Variants in FGFR3 observed in about 807,000 individuals in gnomAD.
FGFR3 encodes the protein fibroblast growth factor receptor 3, also known as FGFR-3.
Under a neutral mutation model 82.9 loss-of-function variants are expected in FGFR3, and 25 were observed. The ratio of observed to expected loss-of-function variants is 0.30; its 90% CI spans 0.22 to 0.42. The LOEUF is 0.42. FGFR3 is among the 10% of genes least tolerant of loss of function. The probability of loss-of-function intolerance (pLI) is 1.00; values close to 1 mark genes in which losing one functional copy is unlikely to be tolerated. For missense variants in FGFR3, 1,026 were observed against 1,161.0 expected (o/e 0.88, Z 1.69); for synonymous variants, 620 against 516.0 (o/e 1.20, Z -2.73).
Position 1,803,752 on chromosome 4 carries a change from T to C in FGFR3, c.991T>C (p.Phe331Leu), listed in dbSNP as rs1246952737. 2 of 1,613,948 alleles carry C rather than the reference T, an allele frequency of 1.2e-6. No homozygotes were observed. Among genetic ancestry groups the C allele is most frequent in the Non-Finnish European group, 1.7e-6 (2 of 1,180,032 alleles). The change falls in exon 8 of 18, where the codon TTT becomes CTT. Residue 331 changes from phenylalanine (F) to leucine (L), a missense_variant. Transcript: ENST00000440486. ...GGTTCTCTCCTTGCACAACGTCACC[T>C]TTGAGGACGCCGGGGAGTACACCTG... is the stretch of plus-strand genomic sequence containing the variant. ...LEVLSLHNVT[F>L]EDAGEYTCLA...
Position 1,805,455 on chromosome 4 carries a change from G to A in FGFR3, c.1513G>A (p.Val505Ile), listed in dbSNP as rs144546453. 8.6e-5 allele frequency: 139 copies of A among 1,612,000 alleles called. No homozygotes were observed. Among genetic ancestry groups the A allele is most frequent in the East Asian group, 3.8e-4 (17 of 44,866 alleles). Reference sequence around the variant, plus strand: ...GGACCGGGCCGCCAAGCCTGTCACCGTAGCCGTGAAGATGCTGAAAGGTGA... The same window carrying A: ...GGACCGGGCCGCCAAGCCTGTCACCATAGCCGTGAAGATGCTGAAAGGTGA... The part of the protein sequence containing the change: ...DKDRAAKPVT[V>I]AVKMLKDDAT... The change falls in exon 11 of 18, where the codon GTA becomes ATA. Residue 505 changes from valine to isoleucine, a missense_variant. Val to Ile is a conservative substitution (Grantham distance 29). Around this residue, in one of 9 missense-constraint regions of FGFR3, gnomAD observed 164 missense variants for 167.5 expected, o/e 0.98. Coordinates refer to ENST00000440486, the MANE Select transcript of FGFR3 (RefSeq NM_000142.5).
In FGFR3 at chr4:1,805,630, A is replaced by G. The variant is rs1721801068; in HGVS notation, c.1606A>G (p.Lys536Glu). 6.2e-7 allele frequency: 1 copy of G among 1,613,334 alleles called. No individual in the cohort carries two copies. Among genetic ancestry groups the G allele is most frequent in the Non-Finnish European group, 8.5e-7 (1 of 1,179,776 alleles). The change falls in exon 12 of 18, where the codon AAA (lysine) becomes GAA (glutamate). Residue 536 changes from lysine to glutamate, a missense_variant. This residue lies in a region of FGFR3 where 164 missense variants were observed against 167.5 expected (regional missense o/e 0.98). Transcript: ENST00000440486. Reference sequence around the variant, plus strand: ...GATGATGAAGATGATCGGGAAACACAAAAACATCATCAACCTGCTGGGCGC... The same window carrying G: ...GATGATGAAGATGATCGGGAAACACGAAAACATCATCAACCTGCTGGGCGC... ...MEMMKMIGKH[K>E]NIINLLGACT...
At position 1,805,551 on chromosome 4, in the gene FGFR3, G is replaced by A. The variant is rs111460786; in HGVS notation, c.1535-8G>A. 11 of 1,612,874 alleles carry A rather than the reference G, an allele frequency of 6.8e-6. No homozygotes were observed. The highest frequency in any genetic ancestry group is 1.7e-5 in the Admixed American group (1 of 60,004). ...CCGCCTGACACAGGCCCCCCGCTCCGTGCACAGACGATGCCACTGACAAGG... is the reference window on the plus strand; with the variant it reads ...CCGCCTGACACAGGCCCCCCGCTCCATGCACAGACGATGCCACTGACAAGG... On this transcript the variant is annotated splice_region_variant and splice_polypyrimidine_tract_variant and intron_variant, in intron 11 of 17. Transcript: ENST00000440486.
rs911357460 is a variant in FGFR3, at chr4:1,808,002, G to T, written c.*740G>T. ...GCAGGCATGGCCCTGGGCGGGGCGTGGGGGGGCGTGGAGGGAGGCCCCAGG... is the reference window on the plus strand; with the variant it reads ...GCAGGCATGGCCCTGGGCGGGGCGTTGGGGGGCGTGGAGGGAGGCCCCAGG... On this transcript the variant is annotated 3_prime_UTR_variant, in exon 18 of 18. Coordinates refer to ENST00000440486, the MANE Select transcript of FGFR3 (RefSeq NM_000142.5). 3.7e-5 allele frequency: 9 copies of T among 240,308 alleles called. No homozygotes were observed. The highest frequency in any genetic ancestry group is 5.3e-5 in the Admixed American group (1 of 18,948). 14.9% of individuals were successfully genotyped at this position (240,308 alleles called of 1,614,324 possible). A position where few individuals can be genotyped will look rare whatever the true frequency, so the allele number is the denominator to read the frequency against.
rs2108811242 is a variant in FGFR3, at chr4:1,806,546, C to G, written c.2031C>G (p.Val677=). ...FDRVYTHQSD[V]WSFGVLLWEI... Reference sequence around the variant, plus strand: ...AGCCTGACCTCACCTTCCCCTGCAGCTGGTCCTTTGGGGTCCTGCTCTGGG... The same window carrying G: ...AGCCTGACCTCACCTTCCCCTGCAGGTGGTCCTTTGGGGTCCTGCTCTGGG... The change falls in exon 16 of 18, where the codon GTC becomes GTG. Residue 677 remains valine, a splice_region_variant and synonymous_variant. Transcript: ENST00000440486. 1 of 1,613,072 alleles carries G rather than the reference C, an allele frequency of 6.2e-7. No homozygotes were observed. Among genetic ancestry groups the G allele is most frequent in the Non-Finnish European group, 8.5e-7 (1 of 1,179,970 alleles).
chr4:1,794,084 GC>G, intron 2 of FGFR3, 41 bp downstream of exon 2: 1 of 1,199,608 alleles, frequency 8.3e-7, no homozygotes, highest in Non-Finnish European at 1.1e-6. Flanking sequence ...GCCGGCCCGT[GC>G]GGGCAGAGGC....
intron 2 of FGFR3, among the ~76,000 whole-genome samples, chr4:1,797,801 G>A (rs2108766558): frequency 6.6e-6 from 1 of 152,334 alleles, no homozygotes; most frequent in East Asian, 1.9e-4. Flanking sequence ...CAGGGGATGA[G>A]TGTGGGCCCT....
In FGFR3 at chr4:1,803,779, C is replaced by T. The variant is rs1471598956; in HGVS notation, c.1018C>T (p.Leu340=). 2.5e-6 allele frequency: 4 copies of T among 1,613,988 alleles called. No individual in the cohort carries two copies. In the African/African-American group the frequency reaches 4.0e-5, roughly 16 times the overall value. The change falls in exon 8 of 18, where the codon CTG becomes TTG. Residue 340 remains leucine, a synonymous_variant. Transcript: ENST00000440486. ...TGAGGACGCCGGGGAGTACACCTGC[C>T]TGGCGGGCAATTCTATTGGGTTTTC... ...TFEDAGEYTC[L]AGNSIGFSHH... is the part of the protein sequence containing the mutation.
At chr4:1,794,749 C>G (rs1471408375) in intron 2 of FGFR3, among the ~76,000 whole-genome samples, 1 of 152,064 alleles carries the variant, frequency 6.6e-6, no homozygotes, top group African/African-American at 2.4e-5. Context: ...CGGACCTGCA[C>G]ACGCGCCGCG....
chr4:1,803,726 A>T lies in FGFR3; in HGVS notation c.965A>T (p.Glu322Val), dbSNP rs1281038061. 1 of 1,613,948 alleles carries T rather than the reference A, an allele frequency of 6.2e-7. No homozygotes were observed. Among genetic ancestry groups the T allele is most frequent in the Non-Finnish European group, 8.5e-7 (1 of 1,180,000 alleles). Reference sequence around the variant, plus strand: ...GCTAACACCACCGACAAGGAGCTAGAGGTTCTCTCCTTGCACAACGTCACC... The same window carrying T: ...GCTAACACCACCGACAAGGAGCTAGTGGTTCTCTCCTTGCACAACGTCACC... ...AGANTTDKEL[E>V]VLSLHNVTFE... Residue 322 changes from glutamate (E) to valine (V), a missense_variant, in exon 8 of 18, where the codon GAG becomes GTG. Around this residue, in one of 9 missense-constraint regions of FGFR3, gnomAD observed 256 missense variants for 217.6 expected, o/e 1.18. Transcript: ENST00000440486.
At chr4:1,805,006 G>A (rs1721704924) in intron 10 of FGFR3, 37 bp downstream of exon 10, 5 of 1,523,490 alleles carry the variant, frequency 3.3e-6, no homozygotes, top group Non-Finnish European at 4.4e-6. Context: ...GCTGTAGGGG[G>A]CTTGGTGGTG....
At position 1,799,756 on chromosome 4, in the gene FGFR3, C is replaced by T. The variant is rs113172184; in HGVS notation, c.389C>T (p.Ser130Phe). 1.1e-5 allele frequency: 18 copies of T among 1,612,884 alleles called. No homozygotes were observed. The highest frequency in any genetic ancestry group is 3.3e-4 in the Middle Eastern group (2 of 6,084). Reference sequence around the variant, plus strand: ...CATCTCTGCCTTGCAGACGCTCCATCCTCGGGAGATGACGAAGACGGGGAG... The same window carrying T: ...CATCTCTGCCTTGCAGACGCTCCATTCTCGGGAGATGACGAAGACGGGGAG... Reference protein sequence around the residue: ...HFSVRVTDAPSSGDDEDGEDE... With the variant: ...HFSVRVTDAPFSGDDEDGEDE... Residue 130 changes from serine (S) to phenylalanine (F), a missense_variant, in exon 4 of 18, where the codon TCC becomes TTC. Ser to Phe is a radical substitution (Grantham distance 155, BLOSUM62 -2). This residue lies in a region of FGFR3 where 226 missense variants were observed against 222.0 expected (regional missense o/e 1.02). Coordinates refer to ENST00000440486, the MANE Select transcript of FGFR3 (RefSeq NM_000142.5).
At chr4:1,805,178 C>T (rs898861561) in intron 10 of FGFR3, among the ~76,000 whole-genome samples, 177 bp from the exon 11 acceptor site, 2 of 152,216 alleles carry the variant, frequency 1.3e-5, no homozygotes, top group African/African-American at 2.4e-5. Context: ...GCAGCAAGGG[C>T]GGGAGGCTGT....
chr4:1,794,137 G>C lies in FGFR3; in HGVS notation c.109+94G>C, dbSNP rs564998074. The C allele has an allele frequency of 3.6e-4, 228 of 634,616 alleles. 1 individual carries two copies. The highest frequency in any genetic ancestry group is 3.0e-3 in the African/African-American group (153 of 51,690). 39.3% of individuals were successfully genotyped at this position (634,616 alleles called of 1,614,324 possible). Reference sequence around the variant, plus strand: ...GGCCCCGGGTCGGAGGGGCCGCCGGGTGTGAGTGACGCCCCGGGGTTAGAG... The same window carrying C: ...GGCCCCGGGTCGGAGGGGCCGCCGGCTGTGAGTGACGCCCCGGGGTTAGAG... On this transcript the variant is annotated intron_variant, in intron 2 of 17. Coordinates refer to ENST00000440486, the MANE Select transcript of FGFR3 (RefSeq NM_000142.5).
chr4:1,796,120 C>G (rs1032776936), intron 2 of FGFR3, among the ~76,000 whole-genome samples: 1 of 152,138 alleles, frequency 6.6e-6, no homozygotes, highest in African/African-American at 2.4e-5. Context: ...GCAGCCCTCA[C>G]CTGAGTGATT....
rs1307628035 is a variant in FGFR3 at position 1,806,098 on chromosome 4, C to T, written c.1884C>T (p.Asp628=). The change falls in exon 14 of 18, where the codon GAC becomes GAT. Residue 628 remains aspartate (D), a synonymous_variant. Coordinates refer to ENST00000440486, the MANE Select transcript of FGFR3 (RefSeq NM_000142.5). ...CCCGCAATGTGCTGGTGACCGAGGA[C>T]AACGTGATGAAGATCGCAGACTTCG... ...LAARNVLVTE[D]NVMKIADFGL... is the part of the protein sequence containing the mutation. 8 of 1,613,596 alleles carry T rather than the reference C, an allele frequency of 5.0e-6. No homozygotes were observed. Among genetic ancestry groups the T allele is most frequent in the South Asian group, 1.1e-5 (1 of 91,084 alleles).
intron 2 of FGFR3, among the ~76,000 whole-genome samples, chr4:1,794,270 AG>A (rs1272884131): frequency 1.3e-5 from 2 of 152,126 alleles, no homozygotes; most frequent in African/African-American, 4.8e-5. Context: ...CACCACGGGG[AG>A]CCAGGCTGGG....
At position 1,806,564 on chromosome 4, in the gene FGFR3, G is replaced by C. The variant is rs371884239; in HGVS notation, c.2049G>C (p.Leu683=). Residue 683 remains leucine (L), a synonymous_variant, in exon 16 of 18, where the codon CTG becomes CTC. Coordinates refer to ENST00000440486, the MANE Select transcript of FGFR3 (RefSeq NM_000142.5). ...CCTGCAGCTGGTCCTTTGGGGTCCT[G>C]CTCTGGGAGATCTTCACGCTGGGGG... ...HQSDVWSFGV[L]LWEIFTLGGS... 1 of 1,613,082 alleles carries C rather than the reference G, an allele frequency of 6.2e-7. No homozygotes were observed. The highest frequency in any genetic ancestry group is 1.3e-5 in the African/African-American group (1 of 75,022).
intron 17 of FGFR3, 64 bp downstream of exon 17, chr4:1,806,998 C>T (rs2108815821): frequency 1.3e-6 from 2 of 1,556,332 alleles, no homozygotes; most frequent in East Asian, 2.4e-5. Context: ...CCCCGGCCAT[C>T]CTGCCCCCCA....
Sources: allele counts gnomAD v4.1 joint callset (sites outside exome capture counted in the v4.1 genomes callset), GRCh38; gene constraint gnomAD v4.1.1; regional missense constraint gnomAD v4.1.1; transcripts MANE v1.5; gene names NCBI Gene and HGNC (gene_info 2026-07-23, HGNC 2026-07-21).